ZNF385D: variants seen among roughly 807,000 people sequenced by gnomAD.
ZNF385D encodes zinc finger protein 659.
A neutral mutation model predicts 35.8 loss-of-function variants in ZNF385D; 15 were observed. The ratio of observed to expected loss-of-function variants is 0.42; its 90% CI spans 0.28 to 0.64. The LOEUF is 0.64. ZNF385D is among the 30% of genes least tolerant of loss of function. ZNF385D has a pLI of 0.23. For synonymous variants in ZNF385D, 212 were observed against 186.8 expected (o/e 1.13, Z -1.10); for missense variants, 474 against 494.6 (o/e 0.96, Z 0.39).
chr3:22,069,334 C>T (rs908581271), intron 3 of ZNF385D, among the ~76,000 whole-genome samples: 8 of 152,226 alleles, frequency 5.3e-5, no homozygotes, highest in Middle Eastern at 3.4e-3. Flanking sequence ...AAATCAAGCT[C>T]CTGGTAGAAT....
intron 3 of ZNF385D, among the ~76,000 whole-genome samples, chr3:21,905,463 C>A (rs1215044508): frequency 6.7e-6 from 1 of 149,700 alleles, no homozygotes; most frequent in African/African-American, 2.5e-5. Context: ...AATTTCTAAC[C>A]AAGGCACACT....
chr3:21,900,613 G>C lies in ZNF385D; in HGVS notation c.326-235585C>G, dbSNP rs531126621. On this transcript the variant is annotated intron_variant, in intron 3 of 5. Coordinates refer to the ZNF385D transcript ENST00000494108. ...GATACATGGGGCCAGAATAAGAACT[G>C]ACAATTCAGAGAAGACAGACTATAG... 2.1e-4 allele frequency among the ~76,000 whole-genome samples: 32 copies of C among 152,132 alleles called. No individual in the cohort carries two copies. The South Asian group carries it at 6.6e-3, about 32-fold the overall frequency.
intron 3 of ZNF385D, among the ~76,000 whole-genome samples, chr3:22,160,405 T>C (rs1705869873): frequency 6.6e-6 from 1 of 152,130 alleles, no homozygotes. Context: ...GACAAATTTA[T>C]ATATAAATGA....
chr3:21,744,405 G>A (rs1017740826), intron 1 of ZNF385D, among the ~76,000 whole-genome samples: 1 of 152,186 alleles, frequency 6.6e-6, no homozygotes, highest in Non-Finnish European at 1.5e-5. Flanking sequence ...TAAGTGTGAA[G>A]AGCAACTTTA....
intron 1 of ZNF385D, among the ~76,000 whole-genome samples, chr3:21,733,154 A>T (rs2069093180): frequency 2.0e-5 from 3 of 151,860 alleles, no homozygotes; most frequent in Admixed American, 2.0e-4. Context: ...GACTTTTTCC[A>T]TTATATTTTC....
intron 3 of ZNF385D, among the ~76,000 whole-genome samples, chr3:21,522,311 G>GTGGACCCA (rs1559370308): frequency 1.3e-5 from 2 of 151,940 alleles, no homozygotes; most frequent in Non-Finnish European, 2.9e-5. Context: ...AAAATATTTG[G>GTGGACCCA]TGGACCCACA....
intron 3 of ZNF385D, among the ~76,000 whole-genome samples, chr3:22,143,059 T>TTTTGTGTGTGTG (rs1421491512): frequency 6.4e-5 from 9 of 140,916 alleles, no homozygotes; most frequent in African/African-American, 2.4e-4. Context: ...ATTAAATCGG[T>TTTTGTGTGTGTG]TGTGTGTGTG....
intron 2 of ZNF385D, among the ~76,000 whole-genome samples, chr3:22,299,417 G>A (rs1332953027): frequency 1.3e-5 from 2 of 151,630 alleles, no homozygotes; most frequent in African/African-American, 2.4e-5. Flanking sequence ...ACTACACGGG[G>A]GGAATGGAGG....
chr3:21,673,657 G>A (rs1005482877), intron 1 of ZNF385D, among the ~76,000 whole-genome samples: 3 of 152,060 alleles, frequency 2.0e-5, no homozygotes, highest in African/African-American at 7.2e-5. Context: ...TGTGAGCAAT[G>A]ATGATCATAC....
intron 2 of ZNF385D, among the ~76,000 whole-genome samples, chr3:22,278,764 C>A (rs753272770): frequency 2.6e-5 from 4 of 152,090 alleles, no homozygotes; most frequent in Non-Finnish European, 5.9e-5. Flanking sequence ...TAAAAAGATG[C>A]AATTGAAGTA....
Position 22,270,729 on chromosome 3 carries a change from A to G in ZNF385D, c.107-101694T>C, listed in dbSNP as rs927457335. On this transcript the variant is annotated intron_variant, in intron 2 of 5. Coordinates refer to the ZNF385D transcript ENST00000494108. ...TGCTTTTTTTTACTGATAGAGTTGT[A>G]CAATATGTTATATACCTCTTGAATA... 2.6e-5 allele frequency among the ~76,000 whole-genome samples: 4 copies of G among 151,996 alleles called. No individual in the cohort carries two copies. In the East Asian group the frequency reaches 5.8e-4, roughly 22 times the overall value.
At chr3:21,796,709 T>C (rs929794766) in intron 3 of ZNF385D, among the ~76,000 whole-genome samples, 38 of 152,324 alleles carry the variant, frequency 2.5e-4, no homozygotes, top group African/African-American at 8.7e-4. Flanking sequence ...TTGGGTTTGA[T>C]GATGGCCATT....
chr3:21,882,167 T>A (rs1221433276), intron 3 of ZNF385D, among the ~76,000 whole-genome samples: 1 of 152,044 alleles, frequency 6.6e-6, no homozygotes, highest in African/African-American at 2.4e-5. Context: ...GAAATTCTAC[T>A]GTGAGTAAAA....
intron 2 of ZNF385D, among the ~76,000 whole-genome samples, chr3:22,181,969 A>G (rs1440851844): frequency 6.6e-6 from 1 of 152,214 alleles, no homozygotes; most frequent in Non-Finnish European, 1.5e-5. Context: ...AAACCATAAT[A>G]AGCAGCTGAA....
chr3:21,997,584 G>C (rs1695548356), intron 3 of ZNF385D, among the ~76,000 whole-genome samples: 1 of 151,646 alleles, frequency 6.6e-6, no homozygotes, highest in Non-Finnish European at 1.5e-5. Context: ...AATATGGAGA[G>C]GAAGTAGAGA....
At chr3:21,550,815 C>T (rs556704392) in intron 3 of ZNF385D, among the ~76,000 whole-genome samples, 30 of 152,258 alleles carry the variant, frequency 2.0e-4, no homozygotes, top group Admixed American at 1.9e-3. Flanking sequence ...GAAAATATAT[C>T]TCAATATATT....
chr3:21,567,846 T>A (rs925870723), intron 2 of ZNF385D, among the ~76,000 whole-genome samples: 3 of 152,186 alleles, frequency 2.0e-5, no homozygotes, highest in Admixed American at 1.3e-4. Context: ...GGGTTTTTTT[T>A]AGTAACACTG....
chr3:22,319,301 G>A (rs1161935356), intron 2 of ZNF385D, among the ~76,000 whole-genome samples: 1 of 151,816 alleles, frequency 6.6e-6, no homozygotes, highest in Non-Finnish European at 1.5e-5. Context: ...GGATAGTGAT[G>A]TTTTAAAAAG....
At chr3:21,921,013 A>G (rs1414845345) in intron 3 of ZNF385D, among the ~76,000 whole-genome samples, 2 of 151,976 alleles carry the variant, frequency 1.3e-5, no homozygotes, top group Non-Finnish European at 2.9e-5. Flanking sequence ...CAGGAGATGG[A>G]GACCATCCTG....
Sources: allele counts gnomAD v4.1 joint callset (sites outside exome capture counted in the v4.1 genomes callset), GRCh38; gene constraint gnomAD v4.1.1; transcripts MANE v1.5; gene names NCBI Gene and HGNC (gene_info 2026-07-23, HGNC 2026-07-21).